Variants in RAPGEF1 observed in about 807,000 individuals in gnomAD.
RAPGEF1 encodes Rap guanine nucleotide exchange factor 1, also known as CRK SH3-binding GNRP.
In RAPGEF1, 33 loss-of-function variants were observed where a neutral mutation model predicts 143.3. The ratio of observed to expected loss-of-function variants is 0.23; its 90% CI spans 0.17 to 0.31. RAPGEF1 has a LOEUF of 0.31. RAPGEF1 is among the 10% of genes least tolerant of loss of function. The pLI is 1.00. For synonymous variants in RAPGEF1, 629 were observed against 676.5 expected (o/e 0.93, Z 1.09); for missense variants, 1,199 against 1,645.4 (o/e 0.73, Z 4.69).
At position 131,578,589 on chromosome 9, in the gene RAPGEF1, G is replaced by A. The variant is rs3739497; in HGVS notation, c.*908C>T. ...ATGGAGTTTAAGGCACACAGCGAGC[G>A]ATGGAGGAGGGAGGTGCTGGCCTCT... On this transcript the variant is annotated 3_prime_UTR_variant, in exon 27 of 27. Transcript: ENST00000683357. 41,798 of 152,358 alleles carry A rather than the reference G, an allele frequency of 0.27. 6,746 individuals carry two copies. Among genetic ancestry groups the A allele is most frequent in the Non-Finnish European group, 0.36 (24,798 of 68,068 alleles). 9.4% of individuals were successfully genotyped at this position (152,358 alleles called of 1,614,324 possible).
At chr9:131,710,677 C>G (rs1835442372) in intron 1 of RAPGEF1, among the ~76,000 whole-genome samples, 1 of 152,116 alleles carries the variant, frequency 6.6e-6, no homozygotes, top group Admixed American at 6.5e-5. Flanking sequence ...TCACTTCAGG[C>G]CAGGAGTTCA....
In RAPGEF1 at chr9:131,613,167, C is replaced by T. The variant is rs1958310249; in HGVS notation, c.2061+5884G>A. ...TTCATCCTTGTAACAACCTTGTGCT[C>T]CCACTGCACAGAGGAAAGCGGGGCC... On this transcript the variant is annotated intron_variant, in intron 12 of 26. Transcript: ENST00000683357. Among the ~76,000 whole-genome samples, 3 of 152,222 alleles carry T rather than the reference C, an allele frequency of 2.0e-5. No individual in the cohort carries two copies. The South Asian group carries it at 6.2e-4, about 31-fold the overall frequency.
chr9:131,682,662 G>A lies in RAPGEF1; in HGVS notation c.62-31713C>T, dbSNP rs575534287. ...AGTGCATAGCACAGCTCCTGATTGT[G>A]CCGTATGGGGGAATGGGGAAAAGTG... is the stretch of plus-strand genomic sequence containing the variant. On this transcript the variant is annotated intron_variant, in intron 1 of 26. Transcript: ENST00000683357. 2.0e-5 allele frequency among the ~76,000 whole-genome samples: 3 copies of A among 152,326 alleles called. No homozygotes were observed. The East Asian group carries it at 5.8e-4, about 29-fold the overall frequency.
intron 3 of RAPGEF1, among the ~76,000 whole-genome samples, chr9:131,649,122 GC>G (rs1269764970): frequency 1.3e-5 from 2 of 149,476 alleles, no homozygotes; most frequent in African/African-American, 4.9e-5. Flanking sequence ...AACCTCTGCC[GC>G]CCGGGTTCAA....
chr9:131,693,229 G>C (rs973965871), intron 1 of RAPGEF1, among the ~76,000 whole-genome samples: 2 of 152,180 alleles, frequency 1.3e-5, no homozygotes, highest in African/African-American at 2.4e-5. Flanking sequence ...AAATAATGAT[G>C]ACGGAGTAGT....
intron 12 of RAPGEF1, among the ~76,000 whole-genome samples, chr9:131,614,661 G>A (rs578087810): frequency 1.7e-4 from 26 of 152,370 alleles, no homozygotes; most frequent in Middle Eastern, 3.4e-3. Context: ...GGGACTGAGC[G>A]TCTGCATGAA....
chr9:131,647,730 A>T (rs1326386837), intron 3 of RAPGEF1, among the ~76,000 whole-genome samples: 1 of 152,196 alleles, frequency 6.6e-6, no homozygotes, highest in African/African-American at 2.4e-5. Context: ...CTTGGGACAG[A>T]ACACAGACAT....
At chr9:131,606,856 C>T (rs879552630) in intron 12 of RAPGEF1, among the ~76,000 whole-genome samples, 2 of 152,120 alleles carry the variant, frequency 1.3e-5, no homozygotes, top group African/African-American at 4.8e-5. Context: ...AACTCCTGAG[C>T]TCAAATGATC....
intron 1 of RAPGEF1, among the ~76,000 whole-genome samples, chr9:131,704,024 A>G (rs1299987752): frequency 2.0e-5 from 3 of 152,128 alleles, no homozygotes; most frequent in African/African-American, 7.2e-5. Flanking sequence ...ACTGTATGCT[A>G]AGGGCTATAA....
intron 12 of RAPGEF1, among the ~76,000 whole-genome samples, chr9:131,607,133 C>T (rs1957243016): frequency 6.6e-6 from 1 of 152,216 alleles, no homozygotes. Context: ...CTACCACTTA[C>T]ACATCTGCTT....
chr9:131,656,919 T>C (rs1170059709), intron 1 of RAPGEF1, among the ~76,000 whole-genome samples: 1 of 152,158 alleles, frequency 6.6e-6, no homozygotes, highest in Non-Finnish European at 1.5e-5. Context: ...CTCCTCAGGG[T>C]ATCCACCTCA....
intron 1 of RAPGEF1, among the ~76,000 whole-genome samples, chr9:131,716,456 A>G (rs1390647743): frequency 6.6e-6 from 1 of 152,194 alleles, no homozygotes; most frequent in Non-Finnish European, 1.5e-5. Context: ...TAAATATGTA[A>G]GGAGAATGCT....
At position 131,584,682 on chromosome 9, in the gene RAPGEF1, AC is replaced by A; in HGVS notation, c.3234-87del. 7.2e-7 allele frequency: 1 copy of A among 1,382,344 alleles called. No individual in the cohort carries two copies. Among genetic ancestry groups the A allele is most frequent in the Non-Finnish European group, 1.0e-6 (1 of 976,052 alleles). The allele number at this position is 1,382,344 out of a possible 1,614,324, so 85.6% of individuals were successfully genotyped here. On this transcript the variant is annotated intron_variant, in intron 22 of 26. Coordinates refer to ENST00000683357, the MANE Select transcript of RAPGEF1 (RefSeq NM_001377935.1). This position sits in a 1 kb window ranked among gnomAD's most constrained non-coding sequence, Gnocchi z 6.8. ...TCCTGGTGGAGACAGGACCTGTACG[AC>A]CCCCATGCCAGTGGCCACGAGCCCA...
chr9:131,728,541 G>A (rs1407786343), intron 1 of RAPGEF1, among the ~76,000 whole-genome samples: 1 of 152,164 alleles, frequency 6.6e-6, no homozygotes. Context: ...TGCATGCACT[G>A]GGATATGTGT....
chr9:131,605,011 C>A lies in RAPGEF1; in HGVS notation c.2239G>T (p.Gly747Trp). 2.9e-6 allele frequency: 4 copies of A among 1,358,568 alleles called. No individual in the cohort carries two copies. The highest frequency in any genetic ancestry group is 3.9e-6 in the Non-Finnish European group (4 of 1,018,468). The allele number at this position is 1,358,568 out of a possible 1,614,324, so 84.2% of individuals were successfully genotyped here. The change falls in exon 13 of 27, where the codon GGG (glycine) becomes TGG (tryptophan). Residue 747 changes from glycine to tryptophan, a missense_variant. Gly to Trp is a radical substitution (Grantham distance 184, BLOSUM62 -2). Transcript: ENST00000683357. The part of the protein sequence containing the change: ...MAGPPPSTVD[G>W]PLSASQESSF... ...CTCTCCTGAGAAGCCGAGAGAGGCC[C>A]GTCCACGGTGCTGGGAGGTGGACCG...
intron 1 of RAPGEF1, chr9:131,737,345 A>G (rs900017225): frequency 6.2e-7 from 1 of 1,612,074 alleles, no homozygotes; most frequent in African/African-American, 1.3e-5. Context: ...AGAGCCTAGC[A>G]CAAACACTGT....
intron 1 of RAPGEF1, among the ~76,000 whole-genome samples, chr9:131,701,422 C>A (rs549989363): frequency 6.6e-6 from 1 of 152,174 alleles, no homozygotes; most frequent in East Asian, 1.9e-4. Context: ...TAAGAAAAAA[C>A]CGATTTCCAG....
chr9:131,730,352 A>G (rs1326565215), intron 1 of RAPGEF1, among the ~76,000 whole-genome samples: 1 of 151,884 alleles, frequency 6.6e-6, no homozygotes, highest in African/African-American at 2.4e-5. Flanking sequence ...AAGCCTCAAT[A>G]AGTCCACCCC....
rs1165526466 is a variant in RAPGEF1, at chr9:131,578,460, C to T, written c.*1037G>A. On this transcript the variant is annotated 3_prime_UTR_variant, in exon 27 of 27. Transcript: ENST00000683357. ...TGCCCTTCCCTCCCAGGGGCACTGA[C>T]AGCACTGGCTGAAAGGTCTGAAGAG... The T allele has an allele frequency of 2.0e-5, 3 of 152,396 alleles. No individual in the cohort carries two copies. Among genetic ancestry groups the T allele is most frequent in the Non-Finnish European group, 4.4e-5 (3 of 68,146 alleles). 9.4% of individuals were successfully genotyped at this position (152,396 alleles called of 1,614,324 possible).
Sources: gnomAD v4.1 joint callset for allele counts (sites outside exome capture counted in the v4.1 genomes callset) on GRCh38, gnomAD v4.1.1 for gene constraint, Gnocchi (gnomAD v3.1) non-coding constraint, MANE v1.5 for transcripts, NCBI Gene and HGNC (gene_info 2026-07-23, HGNC 2026-07-21) for gene names.